PITPNM2: variants seen among roughly 807,000 people sequenced by gnomAD.
PITPNM2 encodes the protein phosphatidylinositol transfer protein membrane associated 2.
PITPNM2 carries 35 observed loss-of-function variants against 132.2 expected under a neutral mutation model. The observed-to-expected ratio is 0.26, with a 90% confidence interval of 0.20 to 0.35. The LOEUF is 0.35. Among genes scored for constraint, PITPNM2 ranks in the 10% least tolerant of loss-of-function variants. The pLI is 1.00. For missense variants in PITPNM2, 1,332 were observed against 1,912.0 expected (o/e 0.70, Z 5.66); for synonymous variants, 738 against 799.2 (o/e 0.92, Z 1.29).
intron 2 of PITPNM2, among the ~76,000 whole-genome samples, chr12:123,046,591 C>G (rs1753683121): frequency 6.6e-6 from 1 of 152,166 alleles, no homozygotes; most frequent in African/African-American, 2.4e-5. Context: ...GCTCATTAAG[C>G]AGTCACTTCC....
chr12:123,049,414 G>A (rs2040785535), intron 2 of PITPNM2, among the ~76,000 whole-genome samples: 1 of 152,108 alleles, frequency 6.6e-6, no homozygotes, highest in African/African-American at 2.4e-5. Flanking sequence ...CTGTCTGCCT[G>A]CTCGTGAGCC....
rs969462985 is a variant in PITPNM2 at position 123,009,768 on chromosome 12, G to A, written c.643+82C>T. ...GCAGACTCCCAGGCAGACATGCAAA[G>A]AGAGGAGGCAGACAGGCAGGTGACA... On this transcript the variant is annotated intron_variant, in intron 6 of 25. Coordinates refer to ENST00000320201, the MANE Select transcript of PITPNM2 (RefSeq NM_020845.3). This position sits in a 1 kb window ranked among gnomAD's most constrained non-coding sequence, Gnocchi z 4.8. The A allele has an allele frequency of 1.0e-4, 131 of 1,307,780 alleles. No individual in the cohort carries two copies. Among genetic ancestry groups the A allele is most frequent in the Non-Finnish European group, 1.4e-4 (124 of 910,318 alleles). 81.0% of individuals were successfully genotyped at this position (1,307,780 alleles called of 1,614,324 possible). A position where few individuals can be genotyped will look rare whatever the true frequency, so the allele number is the denominator to read the frequency against.
intron 13 of PITPNM2, 104 bp downstream of exon 13, chr12:122,996,354 T>G (rs1278358928): frequency 3.4e-6 from 5 of 1,480,878 alleles, no homozygotes; most frequent in Middle Eastern, 2.4e-4. Flanking sequence ...TTCTGCTTGG[T>G]GGACACAGCC....
At chr12:123,148,355 G>T (rs1409371704) in intron 1 of PITPNM2, among the ~76,000 whole-genome samples, 2 of 152,180 alleles carry the variant, frequency 1.3e-5, no homozygotes, top group Non-Finnish European at 2.9e-5. Context: ...CCTGCCCATG[G>T]CCAAAGACAC....
At position 122,997,398 on chromosome 12, in the gene PITPNM2, C is replaced by T. The variant is rs764118541; in HGVS notation, c.1399G>A (p.Ala467Thr). ...DTVMRVHYPS[A>T]LGRLAIRLVP... ...AGGCGGATGGCAAGGCGGCCCAGGG[C>T]GCTGGGGTAGTGCACGCGCATGACG... Residue 467 changes from alanine to threonine, a missense_variant, in exon 11 of 26, where the codon GCC becomes ACC. Ala to Thr is a moderately conservative substitution (Grantham distance 58). Coordinates refer to ENST00000320201, the MANE Select transcript of PITPNM2 (RefSeq NM_020845.3). The T allele has an allele frequency of 1.5e-5, 24 of 1,613,334 alleles. No homozygotes were observed. Among genetic ancestry groups the T allele is most frequent in the Middle Eastern group, 1.6e-4 (1 of 6,072 alleles).
At chr12:123,043,552 G>A (rs2040561366) in intron 2 of PITPNM2, among the ~76,000 whole-genome samples, 1 of 152,216 alleles carries the variant, frequency 6.6e-6, no homozygotes, top group African/African-American at 2.4e-5. Context: ...TTGTACACCT[G>A]GAGTGCCAAG....
chr12:123,103,983 C>T (rs2042629254), intron 2 of PITPNM2, among the ~76,000 whole-genome samples: 1 of 152,110 alleles, frequency 6.6e-6, no homozygotes, highest in Non-Finnish European at 1.5e-5. Context: ...GTGATCTTGG[C>T]TAACCGCAAC....
chr12:123,004,352 G>T lies in PITPNM2; in HGVS notation c.1048+42C>A. On this transcript the variant is annotated intron_variant, in intron 8 of 25. Transcript: ENST00000320201. This position sits in a 1 kb window ranked among gnomAD's most constrained non-coding sequence, Gnocchi z 4.9. ...GCCCTTTCAGACCCCTCCCCACCTC[G>T]CCCAGGAAGGCCCCAAGGACTGCAG... is the stretch of plus-strand genomic sequence containing the variant. 1.0e-5 allele frequency: 16 copies of T among 1,594,628 alleles called. No homozygotes were observed. The highest frequency in any genetic ancestry group is 1.4e-5 in the Non-Finnish European group (16 of 1,163,656).
intron 4 of PITPNM2, 127 bp downstream of exon 4, chr12:123,013,701 C>T (rs1212384971): frequency 7.3e-6 from 8 of 1,088,564 alleles, no homozygotes; most frequent in Non-Finnish European, 1.1e-5. Flanking sequence ...AGCCTGGGTT[C>T]CCTGGGGTTA....
chr12:123,141,188 C>A (rs2043498510), intron 1 of PITPNM2, among the ~76,000 whole-genome samples: 2 of 152,128 alleles, frequency 1.3e-5, no homozygotes, highest in Middle Eastern at 3.2e-3. Context: ...GTCTTAGGGT[C>A]CCCATCTGTG....
chr12:123,011,757 C>T (rs1378399924), intron 5 of PITPNM2, among the ~76,000 whole-genome samples: 2 of 152,098 alleles, frequency 1.3e-5, no homozygotes, highest in Admixed American at 6.5e-5. Context: ...GGACTGCCGG[C>T]AAGCAGACAC....
At chr12:123,112,632 G>A (rs963396096) in intron 1 of PITPNM2, among the ~76,000 whole-genome samples, 1 of 150,394 alleles carries the variant, frequency 6.6e-6, no homozygotes, top group Non-Finnish European at 1.5e-5. Flanking sequence ...TCCGCCTCCC[G>A]GGTTCACACC....
In PITPNM2 at chr12:123,150,611, C is replaced by T. The variant is rs2043716350; in HGVS notation, c.-200+142G>A. Among the ~76,000 whole-genome samples the T allele has an allele frequency of 6.7e-6, 1 of 150,374 alleles. No individual in the cohort carries two copies. The highest frequency in any genetic ancestry group is 2.1e-4 in the South Asian group (1 of 4,766). ...CCCGGGTCTCCGCTCCCTCCTCCAG[C>T]CCCCGGCGGGCTGGAGGCTCGGCGG... On this transcript the variant is annotated intron_variant, in intron 1 of 25. Transcript: ENST00000320201. The surrounding 1 kb of genome is among the most constrained non-coding windows in gnomAD (Gnocchi z 6.0).
intron 2 of PITPNM2, among the ~76,000 whole-genome samples, chr12:123,105,740 G>A (rs374375811): frequency 6.6e-6 from 1 of 152,210 alleles, no homozygotes; most frequent in Non-Finnish European, 1.5e-5. Context: ...GAGTGCACTG[G>A]ATACCCACCA....
chr12:122,988,039 C>G (rs969358437), intron 20 of PITPNM2, 138 bp from the exon 21 acceptor site: 1 of 939,332 alleles, frequency 1.1e-6, no homozygotes, highest in African/African-American at 1.6e-5. Context: ...GGATCAGACA[C>G]GATGACGTGG....
At chr12:123,115,231 TC>T (rs2042913556) in intron 1 of PITPNM2, among the ~76,000 whole-genome samples, 1 of 152,084 alleles carries the variant, frequency 6.6e-6, no homozygotes, top group African/African-American at 2.4e-5. Context: ...CTACTCCCCC[TC>T]CCTTCCATCT....
rs190037650 is a variant in PITPNM2, at chr12:122,994,352, G to A, written c.2233+449C>T. 9.5e-4 allele frequency among the ~76,000 whole-genome samples: 144 copies of A among 152,328 alleles called. No homozygotes were observed. The highest frequency in any genetic ancestry group is 3.0e-3 in the African/African-American group (126 of 41,586). ...ACTGCTGCTCCAATGACGCCCAGCCGCTGGCCTGCCTGCCCTGGGTAGACA... is the reference window on the plus strand; with the variant it reads ...ACTGCTGCTCCAATGACGCCCAGCCACTGGCCTGCCTGCCCTGGGTAGACA... On this transcript the variant is annotated intron_variant, in intron 15 of 25. Coordinates refer to ENST00000320201, the MANE Select transcript of PITPNM2 (RefSeq NM_020845.3). This position sits in a 1 kb window ranked among gnomAD's most constrained non-coding sequence, Gnocchi z 5.4.
In PITPNM2 at chr12:122,992,710, T is replaced by G; in HGVS notation, c.2234-41A>C. The G allele has an allele frequency of 6.8e-7, 1 of 1,473,548 alleles. No individual in the cohort carries two copies. The highest frequency in any genetic ancestry group is 9.1e-7 in the Non-Finnish European group (1 of 1,100,790). 91.3% of individuals were successfully genotyped at this position (1,473,548 alleles called of 1,614,324 possible). The stretch of plus-strand genomic sequence containing the variant: ...TTGGCTGCAGAGCTGGGGCTGGCCC[T>G]GAGGAGCAGTGGTGGGGGTGGGAAA... On this transcript the variant is annotated intron_variant, in intron 15 of 25. Coordinates refer to ENST00000320201, the MANE Select transcript of PITPNM2 (RefSeq NM_020845.3). This position sits in a 1 kb window ranked among gnomAD's most constrained non-coding sequence, Gnocchi z 6.5.
intron 3 of PITPNM2, among the ~76,000 whole-genome samples, chr12:123,025,536 C>A (rs998017969): frequency 3.3e-5 from 5 of 151,542 alleles, no homozygotes; most frequent in Non-Finnish European, 7.4e-5. Flanking sequence ...CGGGTTCAAG[C>A]GATTCCCTGC....
Sources: gnomAD v4.1 joint callset for allele counts (sites outside exome capture counted in the v4.1 genomes callset) on GRCh38, gnomAD v4.1.1 for gene constraint, Gnocchi (gnomAD v3.1) non-coding constraint, MANE v1.5 for transcripts, NCBI Gene and HGNC (gene_info 2026-07-23, HGNC 2026-07-21) for gene names.